RBFOX1: variants seen among roughly 807,000 people sequenced by gnomAD.
The protein encoded by RBFOX1 is RNA binding fox-1 homolog 1.
Under a neutral mutation model 57.7 loss-of-function variants are expected in RBFOX1, and 8 were observed. That is an observed-to-expected ratio of 0.14 (90% confidence interval 0.08 to 0.25). The LOEUF is 0.25. Among genes scored for constraint, RBFOX1 ranks in the 10% least tolerant of loss-of-function variants. The pLI is 1.00. For synonymous variants in RBFOX1, 326 were observed against 222.4 expected (o/e 1.47, Z -4.15); for missense variants, 611 against 548.5 (o/e 1.11, Z -1.14).
intron 2 of RBFOX1, among the ~76,000 whole-genome samples, chr16:6,471,285 C>G (rs1390217500): frequency 6.6e-6 from 1 of 152,316 alleles, no homozygotes; most frequent in Non-Finnish European, 1.5e-5. Flanking sequence ...TTTGAATTCT[C>G]TGAAAGATGC....
chr16:6,581,441 C>T (rs1012620348), intron 2 of RBFOX1, among the ~76,000 whole-genome samples: 1 of 152,160 alleles, frequency 6.6e-6, no homozygotes, highest in African/African-American at 2.4e-5. Flanking sequence ...CTTCCCCCAG[C>T]TGTGTTGGCT....
In RBFOX1 at chr16:7,156,253, C is replaced by T. The variant is rs180686250; in HGVS notation, c.27+104155C>T. ...ATATACACACACATATATATGTATA[C>T]ATATGTATGTGTACATGTACATGTA... On this transcript the variant is annotated intron_variant, in intron 4 of 15. Coordinates refer to ENST00000550418, the MANE Select transcript of RBFOX1 (RefSeq NM_018723.4). Among the ~76,000 whole-genome samples the T allele has an allele frequency of 2.7e-3, 389 of 145,594 alleles. 3 individuals are homozygous for T. Among genetic ancestry groups the T allele is most frequent in the Middle Eastern group, 0.01 (3 of 286 alleles).
chr16:5,862,637 C>G (rs2057250307), intron 3 of RBFOX1, among the ~76,000 whole-genome samples: 1 of 152,180 alleles, frequency 6.6e-6, no homozygotes, highest in Non-Finnish European at 1.5e-5. Context: ...TACAGCTCTA[C>G]TGCTTGCCAG....
intron 4 of RBFOX1, among the ~76,000 whole-genome samples, chr16:7,206,583 C>G (rs953142394): frequency 3.3e-5 from 5 of 151,974 alleles, no homozygotes; most frequent in African/African-American, 9.7e-5. Flanking sequence ...TGGGTTAAGG[C>G]TGATTTTATT....
chr16:5,836,425 G>T (rs2056458314), intron 3 of RBFOX1, among the ~76,000 whole-genome samples: 1 of 152,188 alleles, frequency 6.6e-6, no homozygotes, highest in Admixed American at 6.5e-5. Flanking sequence ...GAGACACTCA[G>T]TCATACCTGT....
At chr16:6,643,060 C>G (rs879841472) in intron 2 of RBFOX1, among the ~76,000 whole-genome samples, 8 of 152,128 alleles carry the variant, frequency 5.3e-5, no homozygotes, top group African/African-American at 1.9e-4. Context: ...CACGCTGAAC[C>G]TTCTTAAACA....
intron 14 of RBFOX1, among the ~76,000 whole-genome samples, chr16:7,694,090 C>A (rs75466303): frequency 0.015 from 2,264 of 152,240 alleles, 65 homozygotes; most frequent in African/African-American, 0.048. Context: ...TAATTAAATG[C>A]CAAGATAGGT....
At chr16:6,247,918 C>G (rs183122656) in intron 1 of RBFOX1, among the ~76,000 whole-genome samples, 2 of 151,890 alleles carry the variant, frequency 1.3e-5, no homozygotes, top group Admixed American at 1.3e-4. Context: ...GCAGAACATT[C>G]CAACACTGGT....
chr16:7,603,357 C>T (rs748444946), intron 9 of RBFOX1, among the ~76,000 whole-genome samples: 1 of 152,104 alleles, frequency 6.6e-6, no homozygotes, highest in Non-Finnish European at 1.5e-5. Context: ...GCTGGAGATT[C>T]ATGTTGGACA....
Position 6,197,387 on chromosome 16 carries a change from G to A in RBFOX1, c.-126-119608G>A, listed in dbSNP as rs577034230. On this transcript the variant is annotated intron_variant, in intron 1 of 15. Transcript: ENST00000550418. ...AAATCAATACCCCTCCACCCCATCCGCAATCTGCACCATGGTGAATCACAT... is the reference window on the plus strand; with the variant it reads ...AAATCAATACCCCTCCACCCCATCCACAATCTGCACCATGGTGAATCACAT... 1.3e-3 allele frequency among the ~76,000 whole-genome samples: 196 copies of A among 151,978 alleles called. 2 individuals are homozygous for A. The highest frequency in any genetic ancestry group is 4.6e-3 in the South Asian group (22 of 4,796).
rs144688970 is a variant in RBFOX1 at position 5,587,981 on chromosome 16, G to A, written c.259-10921G>A. 6.6e-5 allele frequency among the ~76,000 whole-genome samples: 10 copies of A among 152,188 alleles called. No individual in the cohort carries two copies. The East Asian group carries it at 1.9e-3, about 29-fold the overall frequency. ...CTAAATGTCCATCAGCAGATTCGTGGAAAAACAAAGGTGGTCTCTCTATGC... is the reference window on the plus strand; with the variant it reads ...CTAAATGTCCATCAGCAGATTCGTGAAAAAACAAAGGTGGTCTCTCTATGC... On this transcript the variant is annotated intron_variant, in intron 2 of 2. Transcript: ENST00000585867.
intron 3 of RBFOX1, among the ~76,000 whole-genome samples, chr16:7,041,463 G>T (rs978803940): frequency 3.3e-5 from 5 of 152,024 alleles, no homozygotes; most frequent in Non-Finnish European, 4.4e-5. Flanking sequence ...GTGGACATTG[G>T]CATTCTTCTC....
chr16:5,798,722 C>T (rs1290877566), intron 3 of RBFOX1, among the ~76,000 whole-genome samples: 1 of 152,226 alleles, frequency 6.6e-6, no homozygotes, highest in African/African-American at 2.4e-5. Context: ...ACTCGTTCCA[C>T]TTTGTTCGTT....
chr16:6,386,050 C>A (rs1315780102), intron 2 of RBFOX1, among the ~76,000 whole-genome samples: 1 of 152,062 alleles, frequency 6.6e-6, no homozygotes, highest in African/African-American at 2.4e-5. Flanking sequence ...ATTCTCCTGC[C>A]TCAGCCTCCC....
intron 2 of RBFOX1, among the ~76,000 whole-genome samples, chr16:6,637,177 T>A (rs1314410616): frequency 1.0e-4 from 7 of 69,080 alleles, no homozygotes; most frequent in Admixed American, 2.7e-4. Context: ...TTATATATAT[T>A]ATATAATATA....
intron 1 of RBFOX1, among the ~76,000 whole-genome samples, chr16:5,441,297 A>G (rs1409993535): frequency 6.6e-6 from 1 of 150,892 alleles, no homozygotes; most frequent in East Asian, 2.0e-4. Context: ...TGGTCAGTGT[A>G]TTAGTCTGTT....
chr16:5,661,530 A>G (rs1390093099), intron 3 of RBFOX1, among the ~76,000 whole-genome samples: 2 of 152,226 alleles, frequency 1.3e-5, no homozygotes, highest in African/African-American at 4.8e-5. Flanking sequence ...TTTATCTATT[A>G]AGTTTTTAAG....
At chr16:7,392,738 G>A (rs1020663684) in intron 4 of RBFOX1, among the ~76,000 whole-genome samples, 1 of 152,128 alleles carries the variant, frequency 6.6e-6, no homozygotes, top group Non-Finnish European at 1.5e-5. Flanking sequence ...AGTGGTTTTG[G>A]CTATTGGTCA....
At chr16:6,349,466 GA>G (rs2152841753) in intron 2 of RBFOX1, among the ~76,000 whole-genome samples, 1 of 152,280 alleles carries the variant, frequency 6.6e-6, no homozygotes, top group Non-Finnish European at 1.5e-5. Context: ...TTAAAATAAT[GA>G]GGATCAAAGA....
Sources: gnomAD v4.1 joint callset for allele counts (sites outside exome capture counted in the v4.1 genomes callset) on GRCh38, gnomAD v4.1.1 for gene constraint, MANE v1.5 for transcripts, NCBI Gene and HGNC (gene_info 2026-07-23, HGNC 2026-07-21) for gene names.